The following TMTC2 variants were observed in gnomAD, a reference collection of about 807,000 sequenced individuals.
TMTC2 encodes transmembrane O-mannosyltransferase targeting cadherins 2, also known as protein O-mannosyl-transferase TMTC2.
A neutral mutation model predicts 82.4 loss-of-function variants in TMTC2; 43 were observed. That is an observed-to-expected ratio of 0.52 (90% CI 0.41 to 0.67). TMTC2 has a LOEUF of 0.67. TMTC2 is among the 30% of genes least tolerant of loss of function. TMTC2 has a pLI of 0.00. For synonymous variants in TMTC2, 408 were observed against 381.9 expected (o/e 1.07, Z -0.80); for missense variants, 919 against 1,012.4 (o/e 0.91, Z 1.25).
intron 1 of TMTC2, among the ~76,000 whole-genome samples, chr12:82,695,938 C>T (rs1477816455): frequency 6.6e-6 from 1 of 152,188 alleles, no homozygotes; most frequent in East Asian, 1.9e-4. Flanking sequence ...TTCCTATCTT[C>T]AGCTTTAAGA....
chr12:83,016,933 T>C (rs1322324478), intron 8 of TMTC2, among the ~76,000 whole-genome samples: 1 of 152,230 alleles, frequency 6.6e-6, no homozygotes. Flanking sequence ...GAATAGCGCC[T>C]GATGCATAGT....
chr12:83,076,468 C>G (rs1459440766), intron 11 of TMTC2, among the ~76,000 whole-genome samples: 1 of 152,178 alleles, frequency 6.6e-6, no homozygotes, highest in African/African-American at 2.4e-5. Context: ...GGACCACACA[C>G]TAAAATTACA....
At chr12:82,721,771 A>G (rs1874217904) in intron 1 of TMTC2, among the ~76,000 whole-genome samples, 1 of 152,212 alleles carries the variant, frequency 6.6e-6, no homozygotes, top group Admixed American at 6.5e-5. Context: ...AGATTTCTTT[A>G]ATAATATGTG....
At chr12:82,999,054 C>T (rs1221973385) in intron 8 of TMTC2, among the ~76,000 whole-genome samples, 1 of 152,110 alleles carries the variant, frequency 6.6e-6, no homozygotes, top group Non-Finnish European at 1.5e-5. Flanking sequence ...TTGTTATCAA[C>T]TAAAGTCCAT....
At chr12:82,774,867 C>T (rs1024865274) in intron 1 of TMTC2, among the ~76,000 whole-genome samples, 2 of 151,856 alleles carry the variant, frequency 1.3e-5, no homozygotes, top group African/African-American at 4.8e-5. Flanking sequence ...CTGCAGTTTG[C>T]TCACACGGCC....
chr12:83,115,822 G>C (rs929654227), intron 11 of TMTC2, among the ~76,000 whole-genome samples: 1 of 151,928 alleles, frequency 6.6e-6, no homozygotes, highest in African/African-American at 2.4e-5. Context: ...ACAAGTCTCA[G>C]TGTTGCCCAA....
intron 7 of TMTC2, 102 bp downstream of exon 7, chr12:82,967,099 C>A: frequency 2.3e-6 from 2 of 867,552 alleles, no homozygotes; most frequent in South Asian, 1.8e-5. Flanking sequence ...TCATATTAAT[C>A]CTCACAAAAG....
intron 2 of TMTC2, among the ~76,000 whole-genome samples, chr12:82,858,018 T>C (rs1303223266): frequency 6.6e-6 from 1 of 152,212 alleles, no homozygotes; most frequent in Non-Finnish European, 1.5e-5. Flanking sequence ...TGAGTTGACT[T>C]TGGAAAACAA....
At chr12:82,706,523 G>A (rs949378286) in intron 1 of TMTC2, among the ~76,000 whole-genome samples, 1 of 152,092 alleles carries the variant, frequency 6.6e-6, no homozygotes, top group East Asian at 1.9e-4. Flanking sequence ...TGTCTGAAGT[G>A]GGATAAAATC....
chr12:82,893,359 G>T (rs1803107273), intron 2 of TMTC2, among the ~76,000 whole-genome samples: 1 of 130,940 alleles, frequency 7.6e-6, no homozygotes, highest in Non-Finnish European at 1.6e-5. Context: ...GACAGAGCAA[G>T]ACTCTATCTC....
At position 82,912,634 on chromosome 12, in the gene TMTC2, A is replaced by G. The variant is rs375490925; in HGVS notation, c.1483+15988A>G. Among the ~76,000 whole-genome samples the G allele has an allele frequency of 7.9e-5, 12 of 152,224 alleles. No homozygotes were observed. In the East Asian group the frequency reaches 2.1e-3, roughly 27 times the overall value. On this transcript the variant is annotated intron_variant, in intron 3 of 11. Coordinates refer to ENST00000321196, the MANE Select transcript of TMTC2 (RefSeq NM_152588.3). ...ATGATGGCATCATGTTACCTTCACA[A>G]TTGTGGTTAAGAATGAATGGTGGTT...
chr12:82,952,838 G>T (rs1055124200), intron 4 of TMTC2, among the ~76,000 whole-genome samples: 1 of 152,106 alleles, frequency 6.6e-6, no homozygotes, highest in East Asian at 1.9e-4. Flanking sequence ...CTCCCAAAGT[G>T]CTGGGATTAC....
chr12:83,059,945 T>G (rs1467622417), intron 10 of TMTC2, among the ~76,000 whole-genome samples: 4 of 151,754 alleles, frequency 2.6e-5, no homozygotes, highest in African/African-American at 9.7e-5. Context: ...CCTTTTATTT[T>G]CCTCGGGAGA....
intron 3 of TMTC2, among the ~76,000 whole-genome samples, chr12:82,907,588 T>G (rs1301466393): frequency 6.6e-6 from 1 of 152,150 alleles, no homozygotes; most frequent in Non-Finnish European, 1.5e-5. Flanking sequence ...ACAGACTCAG[T>G]GCAAGTGGTC....
chr12:82,879,315 A>G (rs968783669), intron 2 of TMTC2, among the ~76,000 whole-genome samples: 14 of 151,974 alleles, frequency 9.2e-5, no homozygotes, highest in East Asian at 5.8e-4. Context: ...ATGGAAGACA[A>G]TTTTTCCATG....
intron 4 of TMTC2, among the ~76,000 whole-genome samples, chr12:82,943,590 A>C (rs113628451): frequency 1.1e-4 from 16 of 152,292 alleles, no homozygotes; most frequent in Admixed American, 9.2e-4. Context: ...TTAGCTCTCA[A>C]GGTGAAATTT....
At chr12:82,987,572 C>T (rs1287012690) in intron 8 of TMTC2, among the ~76,000 whole-genome samples, 1 of 151,898 alleles carries the variant, frequency 6.6e-6, no homozygotes, top group Non-Finnish European at 1.5e-5. Context: ...AAGAGAAGTT[C>T]CTAGGAGCTA....
At chr12:82,861,260 G>C (rs1871532408) in intron 2 of TMTC2, among the ~76,000 whole-genome samples, 2 of 152,178 alleles carry the variant, frequency 1.3e-5, no homozygotes, top group Non-Finnish European at 2.9e-5. Flanking sequence ...GCTCTTGGCT[G>C]AATTTGGCCA....
intron 9 of TMTC2, among the ~76,000 whole-genome samples, chr12:83,035,065 A>G (rs1303905910): frequency 6.6e-6 from 1 of 152,134 alleles, no homozygotes; most frequent in African/African-American, 2.4e-5. Context: ...TGCCAGAGTG[A>G]GTGAGTTTTG....
Sources: gnomAD v4.1 joint callset for allele counts (sites outside exome capture counted in the v4.1 genomes callset) on GRCh38, gnomAD v4.1.1 for gene constraint, MANE v1.5 for transcripts, NCBI Gene and HGNC (gene_info 2026-07-23, HGNC 2026-07-21) for gene names.